FAM227B: variants seen among roughly 807,000 people sequenced by gnomAD.
FAM227B encodes the protein protein FAM227B.
In FAM227B, 88 loss-of-function variants were observed where a neutral mutation model predicts 73.8. The ratio of observed to expected loss-of-function variants is 1.19; its 90% CI spans 1.00 to 1.42. FAM227B has a LOEUF of 1.42. Among genes scored for constraint, FAM227B ranks in the 40% most tolerant of loss-of-function variants. FAM227B has a pLI of 0.00. For synonymous variants in FAM227B, 210 were observed against 190.5 expected (o/e 1.10, Z -0.84); for missense variants, 632 against 590.9 (o/e 1.07, Z -0.72).
chr15:49,494,030 C>G (rs1233960081), intron 11 of FAM227B, among the ~76,000 whole-genome samples: 1 of 151,832 alleles, frequency 6.6e-6, no homozygotes, highest in Non-Finnish European at 1.5e-5. Context: ...AGATTTGGAA[C>G]AAATGAGCCT....
intron 11 of FAM227B, among the ~76,000 whole-genome samples, chr15:49,493,550 T>C (rs905981353): frequency 6.6e-6 from 1 of 152,048 alleles, no homozygotes; most frequent in African/African-American, 2.4e-5. Context: ...TCCTCTTTAA[T>C]GATTACCAGA....
chr15:49,490,943 T>G (rs2152057196), intron 11 of FAM227B, among the ~76,000 whole-genome samples: 1 of 152,130 alleles, frequency 6.6e-6, no homozygotes, highest in African/African-American at 2.4e-5. Context: ...TGTTTCTTTA[T>G]ATTTCTGATT....
At chr15:49,407,593 T>A (rs1281298048) in intron 11 of FAM227B, among the ~76,000 whole-genome samples, 2 of 150,014 alleles carry the variant, frequency 1.3e-5, no homozygotes, top group African/African-American at 4.9e-5. Flanking sequence ...TTCTTTACTC[T>A]CCGCTGTTTT....
At position 49,422,479 on chromosome 15, in the gene FAM227B, A is replaced by T. The variant is rs534180038; in HGVS notation, c.1013-51080T>A. 20 of 1,244,328 alleles carry T rather than the reference A, an allele frequency of 1.6e-5. No individual in the cohort carries two copies. In the Middle Eastern group the frequency reaches 6.3e-4, roughly 39 times the overall value. The allele number at this position is 1,244,328 out of a possible 1,614,324, so 77.1% of individuals were successfully genotyped here. On this transcript the variant is annotated intron_variant, in intron 11 of 15. Transcript: ENST00000299338. ...AAACACTGATAATCAATGTGAAACC[A>T]TTTCCTCCTTTTTAAAGAATAACAG...
chr15:49,553,017 C>G (rs930396689), intron 9 of FAM227B, among the ~76,000 whole-genome samples: 1 of 152,106 alleles, frequency 6.6e-6, no homozygotes, highest in Non-Finnish European at 1.5e-5. Flanking sequence ...TGTGTTGATG[C>G]CAGTTGATGT....
At chr15:49,417,641 C>T (rs36161072) in intron 11 of FAM227B, among the ~76,000 whole-genome samples, 1 of 152,112 alleles carries the variant, frequency 6.6e-6, no homozygotes, top group Non-Finnish European at 1.5e-5. Flanking sequence ...AAGCTGGACC[C>T]CTTCCTTGCA....
At position 49,447,271 on chromosome 15, in the gene FAM227B, A is replaced by G. The variant is rs141978680; in HGVS notation, c.1012+60940T>C. Among the ~76,000 whole-genome samples the G allele has an allele frequency of 3.7e-3, 555 of 151,820 alleles. 4 individuals carry two copies. The highest frequency in any genetic ancestry group is 0.013 in the African/African-American group (530 of 41,524). ...TACTTGTAAGAGCTTGAGAATATTA[A>G]CTAAGAAACTCTGTAACATGGCTGG... On this transcript the variant is annotated intron_variant, in intron 11 of 15. Transcript: ENST00000299338.
intron 11 of FAM227B, among the ~76,000 whole-genome samples, chr15:49,374,974 A>G (rs1333542077): frequency 6.6e-6 from 1 of 152,154 alleles, no homozygotes; most frequent in Non-Finnish European, 1.5e-5. Context: ...ATTGGTTTGT[A>G]TATATATTAA....
chr15:49,418,624 C>G (rs2049380396), intron 11 of FAM227B, among the ~76,000 whole-genome samples: 1 of 152,090 alleles, frequency 6.6e-6, no homozygotes, highest in African/African-American at 2.4e-5. Flanking sequence ...CAGAGAACAA[C>G]AGATACTGGG....
At chr15:49,427,286 T>G (rs1053971827) in intron 11 of FAM227B, among the ~76,000 whole-genome samples, 1 of 152,078 alleles carries the variant, frequency 6.6e-6, no homozygotes, top group Admixed American at 6.6e-5. Flanking sequence ...ATTGTTTACA[T>G]TCCTCAATCA....
intron 11 of FAM227B, among the ~76,000 whole-genome samples, chr15:49,481,762 C>T (rs2055967832): frequency 6.6e-6 from 1 of 152,036 alleles, no homozygotes; most frequent in African/African-American, 2.4e-5. Context: ...AGATTAATAT[C>T]CATTCATTTG....
At chr15:49,548,416 G>A (rs961020007) in intron 9 of FAM227B, among the ~76,000 whole-genome samples, 1 of 152,022 alleles carries the variant, frequency 6.6e-6, no homozygotes, top group Admixed American at 6.5e-5. Context: ...GTTGAATTTG[G>A]TTTGTAGTAT....
At chr15:49,367,692 C>CTAA in intron 12 of FAM227B, 84 bp from the exon 13 acceptor site, 1 of 1,222,980 alleles carries the variant, frequency 8.2e-7, no homozygotes, top group Non-Finnish European at 1.1e-6. Flanking sequence ...TCATATTTAG[C>CTAA]ATAAAGTTAC....
chr15:49,530,765 A>G, intron 10 of FAM227B, among the ~76,000 whole-genome samples: 2 of 151,934 alleles, frequency 1.3e-5, no homozygotes, highest in South Asian at 4.1e-4. Context: ...ACAAAAAAGA[A>G]TATTTCCCTT....
chr15:49,381,628 CCCA>C (rs2046539325), intron 11 of FAM227B, among the ~76,000 whole-genome samples: 1 of 152,042 alleles, frequency 6.6e-6, no homozygotes, highest in South Asian at 2.1e-4. Flanking sequence ...AGTAGATATT[CCCA>C]CCATCACAAC....
rs567603855 is a variant in FAM227B, at chr15:49,476,323, T to C, written c.1012+31888A>G. ...AGAAAATACTAACTGAATTTTTGTA[T>C]ATATTTATTAATATCCAGATAGGAT... On this transcript the variant is annotated intron_variant, in intron 11 of 15. Coordinates refer to ENST00000299338, the MANE Select transcript of FAM227B (RefSeq NM_152647.3). 1.1e-3 allele frequency among the ~76,000 whole-genome samples: 163 copies of C among 151,660 alleles called. 1 individual carries two copies. The highest frequency in any genetic ancestry group is 3.9e-3 in the African/African-American group (160 of 41,494).
At chr15:49,407,084 C>T (rs948628256) in intron 11 of FAM227B, among the ~76,000 whole-genome samples, 1 of 152,192 alleles carries the variant, frequency 6.6e-6, no homozygotes, top group Non-Finnish European at 1.5e-5. Context: ...GGGCTAATGT[C>T]TCCTATGGGA....
intron 11 of FAM227B, among the ~76,000 whole-genome samples, chr15:49,431,127 G>A (rs907406834): frequency 1.3e-5 from 2 of 151,612 alleles, no homozygotes; most frequent in African/African-American, 4.8e-5. Context: ...GTATACTTAA[G>A]TAATATGGAG....
intron 10 of FAM227B, among the ~76,000 whole-genome samples, chr15:49,509,424 A>T (rs1239442516): frequency 1.3e-5 from 2 of 152,132 alleles, no homozygotes; most frequent in Non-Finnish European, 2.9e-5. Context: ...CCTGATATAT[A>T]AAGAGAGAGA....
Sources: allele counts gnomAD v4.1 joint callset (sites outside exome capture counted in the v4.1 genomes callset), GRCh38; gene constraint gnomAD v4.1.1; transcripts MANE v1.5; gene names NCBI Gene and HGNC (gene_info 2026-07-23, HGNC 2026-07-21).